The following PDE4B variants were observed in gnomAD, a reference collection of about 807,000 sequenced individuals.
PDE4B encodes the protein 3',5'-cyclic-AMP phosphodiesterase 4B.
In PDE4B, 20 loss-of-function variants were observed where a neutral mutation model predicts 82.2. The ratio of observed to expected loss-of-function variants is 0.24; its 90% confidence interval spans 0.17 to 0.35. The LOEUF is 0.35. Among genes scored for constraint, PDE4B ranks in the 10% least tolerant of loss-of-function variants. The pLI is 1.00. For missense variants in PDE4B, 655 were observed against 907.2 expected, an observed-to-expected ratio of 0.72 and a Z score of 3.57; for synonymous variants, 320 against 318.9, an observed-to-expected ratio of 1.00 and a Z score of -0.04.
At chr1:66,331,754 G>C (rs1271467655) in intron 7 of PDE4B, 1 of 985,296 alleles carries the variant, frequency 1.0e-6, no homozygotes, top group Non-Finnish European at 1.2e-6. Flanking sequence ...GCTTTGTTTA[G>C]TATAACAAGA....
rs146346282 is a variant in PDE4B, at chr1:65,914,322, G to A, written c.42+966G>A. On this transcript the variant is annotated intron_variant, in intron 2 of 16. Transcript: ENST00000341517. ...CTTCTGTGTTCCTGTAGGACCCACA[G>A]TGCAGAGGGAGAGTTAGGTGTGCTA... 3.4e-3 allele frequency among the ~76,000 whole-genome samples: 517 copies of A among 152,266 alleles called. 3 individuals are homozygous for A. Among genetic ancestry groups the A allele is most frequent in the Non-Finnish European group, 5.0e-3 (343 of 68,020 alleles).
chr1:65,983,128 G>T (rs1650773621), intron 3 of PDE4B, among the ~76,000 whole-genome samples: 2 of 152,216 alleles, frequency 1.3e-5, no homozygotes, highest in South Asian at 4.2e-4. Flanking sequence ...TCTTCCTTTT[G>T]GAATAGGAAT....
intron 3 of PDE4B, among the ~76,000 whole-genome samples, chr1:66,023,116 T>C (rs950263310): frequency 6.6e-6 from 1 of 152,122 alleles, no homozygotes; most frequent in Admixed American, 6.6e-5. Context: ...GCCTCTATCT[T>C]TGATTTGTTA....
At chr1:66,188,724 G>A (rs1175007563) in intron 3 of PDE4B, among the ~76,000 whole-genome samples, 1 of 151,692 alleles carries the variant, frequency 6.6e-6, no homozygotes, top group Non-Finnish European at 1.5e-5. Flanking sequence ...GAGCCTATGT[G>A]TGTCTCTGCA....
chr1:66,193,972 T>C lies in PDE4B; in HGVS notation c.282-53488T>C, dbSNP rs12038399. 0.013 allele frequency among the ~76,000 whole-genome samples: 1,920 copies of C among 149,460 alleles called. 91 individuals are homozygous for C. In the East Asian group the frequency reaches 0.15, roughly 12 times the overall value. ...AATCTTTTTTTTTTTTTTTGGGAGATTCAACAACTTCTCTTGGTATCTAGT... is the reference window on the plus strand; with the variant it reads ...AATCTTTTTTTTTTTTTTTGGGAGACTCAACAACTTCTCTTGGTATCTAGT... On this transcript the variant is annotated intron_variant, in intron 3 of 16. Transcript: ENST00000341517.
At chr1:65,915,700 C>T (rs1647151848) in intron 2 of PDE4B, among the ~76,000 whole-genome samples, 1 of 152,128 alleles carries the variant, frequency 6.6e-6, no homozygotes, top group Non-Finnish European at 1.5e-5. Flanking sequence ...GTCCCCTCCC[C>T]CTCCTCTCTG....
chr1:66,182,424 C>A (rs1647086496), intron 3 of PDE4B, among the ~76,000 whole-genome samples: 1 of 152,028 alleles, frequency 6.6e-6, no homozygotes, highest in Admixed American at 6.6e-5. Flanking sequence ...GAAAATTGCT[C>A]TCCTATTTAA....
intron 3 of PDE4B, chr1:66,094,433 T>C (rs1454475298): frequency 6.6e-6 from 1 of 152,026 alleles, no homozygotes; most frequent in African/African-American, 2.4e-5. Flanking sequence ...TGAACAATTG[T>C]GTTAAAATCA....
chr1:66,208,222 G>T (rs867460704), intron 3 of PDE4B, among the ~76,000 whole-genome samples: 26 of 152,118 alleles, frequency 1.7e-4, no homozygotes, highest in African/African-American at 6.3e-4. Context: ...CCTTCTTGGA[G>T]CCTTGAGAGA....
chr1:66,295,716 C>T lies in PDE4B; in HGVS notation c.634+29629C>T, dbSNP rs574835216. 1.3e-4 allele frequency among the ~76,000 whole-genome samples: 20 copies of T among 152,266 alleles called. No homozygotes were observed. In the East Asian group the frequency reaches 3.9e-3, roughly 29 times the overall value. On this transcript the variant is annotated intron_variant, in intron 7 of 16. Transcript: ENST00000341517. ...GATTACAGGAGTGAGCCGCTGTGCC[C>T]GGCTCCCATTCTTTTCTTTTGTTGT... is the stretch of plus-strand genomic sequence containing the variant.
At chr1:66,178,204 TG>T (rs1240682831) in intron 3 of PDE4B, among the ~76,000 whole-genome samples, 1 of 152,140 alleles carries the variant, frequency 6.6e-6, no homozygotes, top group Non-Finnish European at 1.5e-5. Context: ...TTTATTATAT[TG>T]TTTTTAAAAA....
intron 7 of PDE4B, among the ~76,000 whole-genome samples, chr1:66,296,587 A>C (rs1657529445): frequency 1.3e-5 from 2 of 152,114 alleles, no homozygotes; most frequent in Admixed American, 1.3e-4. Context: ...TCATTTGCAA[A>C]ATAGGAATAA....
chr1:66,013,609 A>G lies in PDE4B; in HGVS notation c.281+94774A>G, dbSNP rs376826166. Among the ~76,000 whole-genome samples, 31 of 152,214 alleles carry G rather than the reference A, an allele frequency of 2.0e-4. 1 individual carries two copies. In the East Asian group the frequency reaches 3.3e-3, roughly 16 times the overall value. ...ACTCTTTTCATCTTTCAAAACTAAA[A>G]GTCTATACCACTTAAGCAACCACTC... On this transcript the variant is annotated intron_variant, in intron 3 of 16. Coordinates refer to ENST00000341517, the MANE Select transcript of PDE4B (RefSeq NM_002600.4).
intron 1 of PDE4B, among the ~76,000 whole-genome samples, chr1:65,869,697 T>G (rs1646551424): frequency 6.6e-6 from 1 of 152,100 alleles, no homozygotes. Context: ...AATTCACCCC[T>G]TATAATCTGT....
intron 1 of PDE4B, among the ~76,000 whole-genome samples, chr1:65,883,807 T>A (rs1206194593): frequency 6.6e-6 from 1 of 152,168 alleles, no homozygotes; most frequent in African/African-American, 2.4e-5. Context: ...CATAAATATC[T>A]CTTATTATTT....
intron 4 of PDE4B, among the ~76,000 whole-genome samples, chr1:66,251,206 A>C (rs894556614): frequency 2.0e-5 from 3 of 152,222 alleles, no homozygotes; most frequent in Non-Finnish European, 4.4e-5. Context: ...CTGTTAAAAT[A>C]CTTTACATAT....
rs867851621 is a variant in PDE4B at position 65,981,954 on chromosome 1, T to C, written c.281+63119T>C. Among the ~76,000 whole-genome samples the C allele has an allele frequency of 7.9e-5, 12 of 152,244 alleles. No individual in the cohort carries two copies. The Middle Eastern group carries it at 0.01, about 129-fold the overall frequency. On this transcript the variant is annotated intron_variant, in intron 3 of 16. Coordinates refer to ENST00000341517, the MANE Select transcript of PDE4B (RefSeq NM_002600.4). ...GCTCCCAGAACTGTGAGACAATAAATTTCTGTTGATTAAGCCACCCAGACT... is the reference window on the plus strand; with the variant it reads ...GCTCCCAGAACTGTGAGACAATAAACTTCTGTTGATTAAGCCACCCAGACT...
intron 1 of PDE4B, among the ~76,000 whole-genome samples, chr1:65,798,055 G>A (rs1645650810): frequency 6.6e-6 from 1 of 151,892 alleles, no homozygotes; most frequent in Admixed American, 6.6e-5. Flanking sequence ...GTTTCGCTCT[G>A]TCACCCAGGC....
intron 7 of PDE4B, among the ~76,000 whole-genome samples, chr1:66,280,352 G>C (rs1179617826): frequency 6.6e-6 from 1 of 152,226 alleles, no homozygotes; most frequent in African/African-American, 2.4e-5. Context: ...CATGAGAGAA[G>C]AGAAAATCTT....
Sources: gnomAD v4.1 joint callset for allele counts (sites outside exome capture counted in the v4.1 genomes callset) on GRCh38, gnomAD v4.1.1 for gene constraint, MANE v1.5 for transcripts, NCBI Gene and HGNC (gene_info 2026-07-23, HGNC 2026-07-21) for gene names.